The following GRM7 variants were observed in gnomAD, a reference collection of about 807,000 sequenced individuals.
The protein encoded by GRM7 is glutamate metabotropic receptor 7.
Under a neutral mutation model 84.5 loss-of-function variants are expected in GRM7, and 35 were observed. The observed-to-expected ratio is 0.41, with a 90% confidence interval of 0.32 to 0.55. The LOEUF (loss-of-function observed/expected upper bound fraction) is 0.55, where lower values mean the gene tolerates loss of function less well. GRM7 is among the 20% of genes least tolerant of loss of function. The pLI, the probability that GRM7 is intolerant of heterozygous loss-of-function variation, is 0.19. For missense variants in GRM7, 1,003 were observed against 1,194.6 expected, an observed-to-expected ratio of 0.84 and a Z score of 2.36; for synonymous variants, 487 against 455.1, an observed-to-expected ratio of 1.07 and a Z score of -0.89.
At chr3:7,154,374 G>A (rs1694381667) in intron 2 of GRM7, among the ~76,000 whole-genome samples, 1 of 152,090 alleles carries the variant, frequency 6.6e-6, no homozygotes, top group African/African-American at 2.4e-5. Context: ...TTTTGCCATG[G>A]GACTAGAAAT....
chr3:6,897,897 G>A (rs890196783), intron 1 of GRM7, among the ~76,000 whole-genome samples: 2 of 152,198 alleles, frequency 1.3e-5, no homozygotes, highest in Non-Finnish European at 2.9e-5. Context: ...AGGCACTGCT[G>A]GAGAGTGGGG....
chr3:7,139,292 C>G (rs1469377512), intron 1 of GRM7, among the ~76,000 whole-genome samples: 1 of 151,524 alleles, frequency 6.6e-6, no homozygotes, highest in East Asian at 1.9e-4. Flanking sequence ...GTTGGTTCTA[C>G]AATGATATTA....
At chr3:7,400,059 G>A (rs747048520) in intron 4 of GRM7, among the ~76,000 whole-genome samples, 1 of 152,156 alleles carries the variant, frequency 6.6e-6, no homozygotes, top group Non-Finnish European at 1.5e-5. Flanking sequence ...CTCAATATTT[G>A]CAACATCTCT....
At chr3:6,981,438 A>T (rs1235463743) in intron 1 of GRM7, among the ~76,000 whole-genome samples, 1 of 152,226 alleles carries the variant, frequency 6.6e-6, no homozygotes, top group African/African-American at 2.4e-5. Flanking sequence ...ATGAGGCTCC[A>T]TGAGTATCTT....
intron 1 of GRM7, among the ~76,000 whole-genome samples, chr3:6,991,511 G>A (rs1472793493): frequency 6.6e-6 from 1 of 152,130 alleles, no homozygotes; most frequent in African/African-American, 2.4e-5. Context: ...AAAAATCACT[G>A]AAATACAGCT....
chr3:7,697,632 C>T (rs138062999), intron 9 of GRM7, among the ~76,000 whole-genome samples: 1 of 152,286 alleles, frequency 6.6e-6, no homozygotes, highest in African/African-American at 2.4e-5. Context: ...AGCAGTGAGT[C>T]GCCACTTGTC....
At chr3:7,577,859 T>C (rs1216156562) in intron 7 of GRM7, among the ~76,000 whole-genome samples, 2 of 152,204 alleles carry the variant, frequency 1.3e-5, no homozygotes, top group Non-Finnish European at 2.9e-5. Flanking sequence ...ATGACAGTAA[T>C]GCTTAGAGAA....
At chr3:6,950,991 C>G (rs142353368) in intron 1 of GRM7, among the ~76,000 whole-genome samples, 1 of 152,270 alleles carries the variant, frequency 6.6e-6, no homozygotes, top group African/African-American at 2.4e-5. Context: ...ATTCCCTGAC[C>G]CCTTGCGCTT....
intron 2 of GRM7, among the ~76,000 whole-genome samples, chr3:7,149,643 T>A (rs1359326146): frequency 6.6e-6 from 1 of 152,184 alleles, no homozygotes; most frequent in East Asian, 1.9e-4. Context: ...GGTTATGCTG[T>A]CAGAAAGACC....
chr3:7,528,826 G>A (rs1321491575), intron 7 of GRM7, among the ~76,000 whole-genome samples: 1 of 151,950 alleles, frequency 6.6e-6, no homozygotes, highest in Non-Finnish European at 1.5e-5. Context: ...GTGTGGTTTT[G>A]AGAGTGCCTT....
chr3:7,670,139 G>T (rs918652537), intron 8 of GRM7, among the ~76,000 whole-genome samples: 1 of 152,168 alleles, frequency 6.6e-6, no homozygotes, highest in African/African-American at 2.4e-5. Flanking sequence ...GAGAATGGGG[G>T]AGCCTGCCTC....
intron 4 of GRM7, among the ~76,000 whole-genome samples, chr3:7,348,136 T>C (rs1401190715): frequency 6.6e-6 from 1 of 152,154 alleles, no homozygotes; most frequent in Non-Finnish European, 1.5e-5. Flanking sequence ...GCAGTGACTT[T>C]TATCGGCCTA....
At chr3:7,307,593 C>CCCA (rs1198084039) in intron 4 of GRM7, among the ~76,000 whole-genome samples, 2 of 152,202 alleles carry the variant, frequency 1.3e-5, no homozygotes, top group Admixed American at 1.3e-4. Flanking sequence ...GGTTCTGTCA[C>CCCA]TGTTTCCTTT....
intron 1 of GRM7, among the ~76,000 whole-genome samples, chr3:7,017,162 AT>A (rs1304026511): frequency 6.6e-6 from 1 of 152,160 alleles, no homozygotes; most frequent in Non-Finnish European, 1.5e-5. Flanking sequence ...TTTAATAACC[AT>A]GTGAAAGCTA....
At chr3:7,281,309 A>C (rs2124995904) in intron 2 of GRM7, among the ~76,000 whole-genome samples, 1 of 152,310 alleles carries the variant, frequency 6.6e-6, no homozygotes, top group Non-Finnish European at 1.5e-5. Context: ...CAGGTATTTT[A>C]TATGACTTTG....
chr3:7,120,387 C>A (rs1231426779), intron 1 of GRM7, among the ~76,000 whole-genome samples: 1 of 152,168 alleles, frequency 6.6e-6, no homozygotes, highest in South Asian at 2.1e-4. Context: ...GGGGTACCCA[C>A]TCTCTATCAT....
chr3:7,602,065 C>T (rs1200818117), intron 8 of GRM7, among the ~76,000 whole-genome samples: 2 of 124,302 alleles, frequency 1.6e-5, no homozygotes, highest in African/African-American at 3.2e-5. Flanking sequence ...CACCAGGGAA[C>T]GCATATTACC....
chr3:7,467,273 G>C (rs2124917182), intron 7 of GRM7, among the ~76,000 whole-genome samples: 1 of 152,230 alleles, frequency 6.6e-6, no homozygotes, highest in South Asian at 2.1e-4. Flanking sequence ...ATTTTTAGTA[G>C]AGATGGGGTT....
chr3:7,088,533 T>G (rs1439510345), intron 1 of GRM7, among the ~76,000 whole-genome samples: 2 of 149,308 alleles, frequency 1.3e-5, no homozygotes, highest in Non-Finnish European at 3.0e-5. Flanking sequence ...GGATGAGAGA[T>G]AGGGGCCAGA....
Sources: allele counts gnomAD v4.1 joint callset (sites outside exome capture counted in the v4.1 genomes callset), GRCh38; gene constraint gnomAD v4.1.1; transcripts MANE v1.5; gene names NCBI Gene and HGNC (gene_info 2026-07-23, HGNC 2026-07-21).